BCAR1: variants seen among roughly 807,000 people sequenced by gnomAD.
The protein encoded by BCAR1 is breast cancer anti-estrogen resistance protein 1.
In BCAR1, 30 loss-of-function variants were observed where a neutral mutation model predicts 67.6. The ratio of observed to expected loss-of-function variants is 0.44; its 90% CI spans 0.33 to 0.60. The LOEUF is 0.60. Among genes scored for constraint, BCAR1 ranks in the 20% least tolerant of loss-of-function variants. BCAR1 has a pLI of 0.02. For synonymous variants in BCAR1, 626 were observed against 556.7 expected, an observed-to-expected ratio of 1.12 and a Z score of -1.75; for missense variants, 1,313 against 1,222.3, an observed-to-expected ratio of 1.07 and a Z score of -1.11.
Position 75,229,275 on chromosome 16 carries a change from T to C in BCAR1, c.*236A>G, listed in dbSNP as rs915670036. ...CGTCTGGTGACCCAACCCGGGCCCG[T>C]GGTGCATGCTGGGGAAGGCCACTGG... On this transcript the variant is annotated 3_prime_UTR_variant, in exon 7 of 7. Coordinates refer to ENST00000162330, the MANE Select transcript of BCAR1 (RefSeq NM_014567.5). The C allele has an allele frequency of 3.4e-6, 2 of 594,576 alleles. No individual in the cohort carries two copies. Among genetic ancestry groups the C allele is most frequent in the Non-Finnish European group, 5.4e-6 (2 of 368,328 alleles). 36.8% of individuals were successfully genotyped at this position (594,576 alleles called of 1,614,324 possible).
chr16:75,250,992 C>A, intron 1 of BCAR1: 1 of 986,156 alleles, frequency 1.0e-6, no homozygotes, highest in Non-Finnish European at 1.2e-6. Flanking sequence ...CCCGCTGGCG[C>A]CACGCACTTG....
chr16:75,235,912 C>A lies in BCAR1; in HGVS notation c.987G>T (p.Val329=). 1 of 1,566,460 alleles carries A rather than the reference C, an allele frequency of 6.4e-7. No individual in the cohort carries two copies. Among genetic ancestry groups the A allele is most frequent in the Non-Finnish European group, 8.7e-7 (1 of 1,155,864 alleles). Residue 329 remains valine, a synonymous_variant, in exon 5 of 7, where the codon GTG becomes GTT. Coordinates refer to ENST00000162330, the MANE Select transcript of BCAR1 (RefSeq NM_014567.5). ...GCTTGGCCTTGGCGAAGGCGGGGGG[C>A]ACATCGTAGGTCTCCTCACGCAGCA... is the stretch of plus-strand genomic sequence containing the variant. ...GPLLREETYD[V]PPAFAKAKPF...
chr16:75,259,109 C>G (rs1213552559), intron 1 of BCAR1, among the ~76,000 whole-genome samples: 2 of 152,194 alleles, frequency 1.3e-5, no homozygotes, highest in Non-Finnish European at 1.5e-5. Flanking sequence ...CTTAACCTCC[C>G]AGATAACCTG....
upstream of BCAR1, chr16:75,251,646 ACGGCCCAGC>A (rs951299639): frequency 7.0e-6 from 7 of 1,000,418 alleles, no homozygotes; most frequent in African/African-American, 8.7e-5. Flanking sequence ...GCCTGCCGCC[ACGGCCCAGC>A]CGGCCCAGCC....
rs1053124126 is a variant in BCAR1 at position 75,234,939 on chromosome 16, C to T, written c.1960G>A (p.Glu654Lys). 20 of 1,573,510 alleles carry T rather than the reference C, an allele frequency of 1.3e-5. No homozygotes were observed. The highest frequency in any genetic ancestry group is 1.6e-5 in the Non-Finnish European group (19 of 1,155,226). ...TSQDSPDGQYENSEGGWMEDY... is the reference protein window; with the variant it reads ...TSQDSPDGQYKNSEGGWMEDY... ...TCCATCCAGCCCCCCTCGCTGTTCTCGTACTGCCCATCTGGCGAGTCCTGG... is the reference window on the plus strand; with the variant it reads ...TCCATCCAGCCCCCCTCGCTGTTCTTGTACTGCCCATCTGGCGAGTCCTGG... Residue 654 changes from glutamate to lysine, a missense_variant, in exon 5 of 7, where the codon GAG (glutamate) becomes AAG (lysine). Around this residue, in one of 2 missense-constraint regions of BCAR1, gnomAD observed 1,272 missense variants for 1,137.5 expected, o/e 1.12. Transcript: ENST00000162330.
At position 75,242,902 on chromosome 16, in the gene BCAR1, A is replaced by G. The variant is rs746770026; in HGVS notation, c.201T>C (p.Tyr67=). 11 of 1,611,824 alleles carry G rather than the reference A, an allele frequency of 6.8e-6. No homozygotes were observed. The highest frequency in any genetic ancestry group is 8.5e-6 in the Non-Finnish European group (10 of 1,179,742). ...GGCCAGGCCCTGCTGGCTTCTTATC[A>G]TACATGCCCACCAAGATCTTGAGGC... ...GNRLKILVGM[Y]DKKPAGPGPG... Residue 67 remains tyrosine, a synonymous_variant, in exon 2 of 7, where the codon TAT becomes TAC. Transcript: ENST00000162330.
At chr16:75,231,166 G>A (rs1243594934) in intron 6 of BCAR1, among the ~76,000 whole-genome samples, 2 of 150,182 alleles carry the variant, frequency 1.3e-5, no homozygotes, top group Admixed American at 6.7e-5. Flanking sequence ...GCACGATCTC[G>A]GCTCGCTGCA....
At chr16:75,258,804 C>T (rs1024744596) in intron 1 of BCAR1, among the ~76,000 whole-genome samples, 3 of 152,196 alleles carry the variant, frequency 2.0e-5, no homozygotes, top group Admixed American at 1.3e-4. Flanking sequence ...AGGGAGTCTC[C>T]CTCTACCCTC....
intron 2 of BCAR1, among the ~76,000 whole-genome samples, chr16:75,240,703 G>T (rs1302533730): frequency 2.0e-5 from 3 of 152,206 alleles, no homozygotes; most frequent in Non-Finnish European, 4.4e-5. Context: ...ACACAATCAA[G>T]ACTGGGGGAG....
At chr16:75,231,277 G>GT (rs1406173137) in intron 6 of BCAR1, among the ~76,000 whole-genome samples, 1 of 151,884 alleles carries the variant, frequency 6.6e-6, no homozygotes, top group Non-Finnish European at 1.5e-5. Flanking sequence ...TAAAGATGGG[G>GT]TTTCACCATG....
At chr16:75,250,897 C>T in intron 1 of BCAR1, 18 of 985,536 alleles carry the variant, frequency 1.8e-5, no homozygotes, top group Non-Finnish European at 2.2e-5. Context: ...CGCCCGCCCC[C>T]ACTCCCGCTC....
intron 1 of BCAR1, among the ~76,000 whole-genome samples, chr16:75,259,850 TAAAAAAAAAAA>T (rs144448216): frequency 4.1e-5 from 3 of 73,462 alleles, no homozygotes; most frequent in Non-Finnish European, 7.4e-5. Flanking sequence ...AGACTCCATC[TAAAAAAAAAAA>T]AAAAAAAAAA....
intron 1 of BCAR1, chr16:75,248,357 C>G: frequency 7.8e-7 from 1 of 1,289,436 alleles, no homozygotes; most frequent in Non-Finnish European, 9.9e-7. Flanking sequence ...CCATCACAAA[C>G]TTGGGCCAAG....
At chr16:75,240,797 G>C (rs2077313699) in intron 2 of BCAR1, among the ~76,000 whole-genome samples, 1 of 152,230 alleles carries the variant, frequency 6.6e-6, no homozygotes, top group Non-Finnish European at 1.5e-5. Context: ...TTGGGGCACA[G>C]GTCTGGGCAG....
chr16:75,252,388 G>C (rs560707187), upstream of BCAR1: 2 of 1,500,550 alleles, frequency 1.3e-6, no homozygotes, highest in East Asian at 5.0e-5. Context: ...ACATGGGGTA[G>C]GAGAGCGGCA....
intron 1 of BCAR1, among the ~76,000 whole-genome samples, chr16:75,260,204 GA>G (rs2077873074): frequency 6.7e-6 from 1 of 149,560 alleles, no homozygotes; most frequent in Non-Finnish European, 1.5e-5. Context: ...AGAAAAAAAG[GA>G]AAAAGCCAGA....
At chr16:75,239,633 C>T (rs2077268059) in intron 2 of BCAR1, among the ~76,000 whole-genome samples, 1 of 152,196 alleles carries the variant, frequency 6.6e-6, no homozygotes, top group Non-Finnish European at 1.5e-5. Context: ...CCCCAGGTCC[C>T]AATCCAGGAG....
intron 1 of BCAR1, chr16:75,249,064 G>A (rs1049005200): frequency 1.3e-5 from 2 of 152,962 alleles, no homozygotes; most frequent in Non-Finnish European, 2.9e-5. Context: ...TCCTGCTTCA[G>A]GACATGGAAC....
chr16:75,251,329 G>T, intron 1 of BCAR1, 142 bp downstream of exon 1: 1 of 1,196,632 alleles, frequency 8.4e-7, no homozygotes, highest in Non-Finnish European at 1.1e-6. Flanking sequence ...GGCCAGGGCA[G>T]AAGGAGATCC....
Sources: allele counts gnomAD v4.1 joint callset (sites outside exome capture counted in the v4.1 genomes callset), GRCh38; gene constraint gnomAD v4.1.1; regional missense constraint gnomAD v4.1.1; transcripts MANE v1.5; gene names NCBI Gene and HGNC (gene_info 2026-07-23, HGNC 2026-07-21).